The following ZNF365 variants were observed in gnomAD, a reference collection of about 807,000 sequenced individuals.
The protein encoded by ZNF365 is zinc finger protein 365.
Under a neutral mutation model 35.0 loss-of-function variants are expected in ZNF365, and 22 were observed. That is an observed-to-expected ratio of 0.63 (90% confidence interval 0.45 to 0.90). The LOEUF (loss-of-function observed/expected upper bound fraction) is 0.90, where lower values mean the gene tolerates loss of function less well. ZNF365 is among the 40% of genes least tolerant of loss of function. The pLI is 0.00. For missense variants in ZNF365, 448 were observed against 500.3 expected (o/e 0.90, Z 1.00); for synonymous variants, 188 against 196.2 (o/e 0.96, Z 0.35).
rs1202569197 is a variant in ZNF365, at chr10:62,400,139, G to A, written c.*350G>A. ...TTTCAGGACCAAGGCCACACAAAAT[G>A]TCAGGCCTAGGGAGAAAATTCATCT... On this transcript the variant is annotated 3_prime_UTR_variant, in exon 5 of 5. Coordinates refer to ENST00000395254, the MANE Select transcript of ZNF365 (RefSeq NM_014951.3). The A allele has an allele frequency of 1.6e-5, 17 of 1,037,618 alleles. No individual in the cohort carries two copies. Among genetic ancestry groups the A allele is most frequent in the Non-Finnish European group, 2.0e-5 (17 of 861,398 alleles). The allele number at this position is 1,037,618 out of a possible 1,614,324, so 64.3% of individuals were successfully genotyped here. A position where few individuals can be genotyped will look rare whatever the true frequency, so the allele number is the denominator to read the frequency against.
intron 4 of ZNF365, among the ~76,000 whole-genome samples, chr10:62,474,465 G>T (rs1371541932): frequency 6.6e-6 from 1 of 152,128 alleles, no homozygotes; most frequent in Admixed American, 6.5e-5. Context: ...AATACTCTTT[G>T]CCATTTCGTG....
chr10:62,449,270 T>C (rs934796887), intron 3 of ZNF365, among the ~76,000 whole-genome samples: 3 of 152,180 alleles, frequency 2.0e-5, no homozygotes, highest in African/African-American at 7.2e-5. Context: ...AAGTCTCTCT[T>C]TGGTGATTTC....
At chr10:62,428,453 G>C (rs1443122640) in intron 3 of ZNF365, among the ~76,000 whole-genome samples, 2 of 152,184 alleles carry the variant, frequency 1.3e-5, no homozygotes, top group East Asian at 1.9e-4. Flanking sequence ...TCCCCCTTCA[G>C]TTGGCTCTCA....
chr10:62,424,471 A>G (rs903408569), intron 3 of ZNF365, among the ~76,000 whole-genome samples: 27 of 152,334 alleles, frequency 1.8e-4, no homozygotes, highest in African/African-American at 5.3e-4. Context: ...TAATTGAGAA[A>G]ATAGTCATTT....
At chr10:62,470,317 AG>A (rs1209355289) in intron 4 of ZNF365, among the ~76,000 whole-genome samples, 6 of 152,180 alleles carry the variant, frequency 3.9e-5, no homozygotes, top group Non-Finnish European at 4.4e-5. Flanking sequence ...GTCCCCATTG[AG>A]GGCGAGGAAT....
intron 4 of ZNF365, among the ~76,000 whole-genome samples, chr10:62,463,236 T>C (rs1386776512): frequency 6.6e-6 from 1 of 152,196 alleles, no homozygotes; most frequent in Non-Finnish European, 1.5e-5. Context: ...CCCATCCAAG[T>C]CATGGTGCTT....
chr10:62,449,403 A>C (rs1589459840), intron 3 of ZNF365, among the ~76,000 whole-genome samples: 1 of 152,182 alleles, frequency 6.6e-6, no homozygotes, highest in East Asian at 1.9e-4. Context: ...GGTGATTACA[A>C]GAGTGTTCAC....
chr10:62,466,697 G>T (rs1840949172), intron 4 of ZNF365, among the ~76,000 whole-genome samples: 2 of 148,108 alleles, frequency 1.4e-5, no homozygotes, highest in Admixed American at 6.7e-5. Context: ...ATATACTATA[G>T]TTTTTTTTTT....
intron 3 of ZNF365, among the ~76,000 whole-genome samples, chr10:62,455,426 T>C (rs999994880): frequency 6.6e-6 from 1 of 152,178 alleles, no homozygotes; most frequent in Non-Finnish European, 1.5e-5. Flanking sequence ...AACTTTTTTT[T>C]CTGGTGATAA....
At chr10:62,420,625 G>A (rs1215472901) in intron 3 of ZNF365, among the ~76,000 whole-genome samples, 1 of 152,144 alleles carries the variant, frequency 6.6e-6, no homozygotes, top group Non-Finnish European at 1.5e-5. Flanking sequence ...TAAGTTCTTG[G>A]CCTGGACTAC....
intron 3 of ZNF365, among the ~76,000 whole-genome samples, chr10:62,427,446 G>A (rs759587331): frequency 6.6e-6 from 1 of 152,192 alleles, no homozygotes; most frequent in Non-Finnish European, 1.5e-5. Context: ...CTAGGTGTGT[G>A]TGAGTACACT....
rs767595424 is a variant in ZNF365, at chr10:62,388,587, C to G, written c.924+11C>G. The G allele has an allele frequency of 3.1e-6, 5 of 1,612,590 alleles. No individual in the cohort carries two copies. The highest frequency in any genetic ancestry group is 4.2e-6 in the Non-Finnish European group (5 of 1,179,848). ...CTCAGCGGGCACGTGGTGAGTCACCCCGGGCCAGCCACCGAGTGTAAGATC... is the reference window on the plus strand; with the variant it reads ...CTCAGCGGGCACGTGGTGAGTCACCGCGGGCCAGCCACCGAGTGTAAGATC... On this transcript the variant is annotated intron_variant, in intron 3 of 4. Transcript: ENST00000395254.
intron 3 of ZNF365, among the ~76,000 whole-genome samples, chr10:62,415,218 G>A (rs1840055132): frequency 6.6e-6 from 1 of 151,922 alleles, no homozygotes; most frequent in Non-Finnish European, 1.5e-5. Context: ...CTCAGCATGT[G>A]GAAAATTTTT....
chr10:62,399,695 C>T lies in ZNF365; in HGVS notation c.1130C>T (p.Pro377Leu). The part of the protein sequence containing the change: ...AESSRDLCRP[P>L]KKGELLGFGR... ...TCCTCAAGAGACCTCTGCAGACCTC[C>T]AAAGAAAGGGGAGCTCCTGGGGTTT... The change falls in exon 5 of 5, where the codon CCA (proline) becomes CTA (leucine). Residue 377 changes from proline to leucine, a missense_variant. This residue lies in a region of ZNF365 where 362 missense variants were observed against 375.7 expected (regional missense o/e 0.96). Transcript: ENST00000395254. 1.2e-6 allele frequency: 2 copies of T among 1,614,100 alleles called. No individual in the cohort carries two copies. Among genetic ancestry groups the T allele is most frequent in the South Asian group, 2.2e-5 (2 of 91,066 alleles).
In ZNF365 at chr10:62,402,031, A is replaced by G. The variant is rs1839838529; in HGVS notation, c.*2242A>G. ...TCAAAACATGGGAGATGGCTTACTC[A>G]GAAGCATACTCCACTTAACATACCA... On this transcript the variant is annotated 3_prime_UTR_variant, in exon 5 of 5. Transcript: ENST00000395254. 1 of 985,674 alleles carries G rather than the reference A, an allele frequency of 1.0e-6. No homozygotes were observed. Among genetic ancestry groups the G allele is most frequent in the Admixed American group, 6.1e-5 (1 of 16,292 alleles). 61.1% of individuals were successfully genotyped at this position (985,674 alleles called of 1,614,324 possible).
intron 4 of ZNF365, among the ~76,000 whole-genome samples, chr10:62,460,330 A>G (rs1301664056): frequency 1.3e-5 from 2 of 152,228 alleles, no homozygotes; most frequent in African/African-American, 4.8e-5. Flanking sequence ...CCCGCAGTGG[A>G]TGCCTGAAGC....
chr10:62,466,370 T>C (rs1191105557), intron 4 of ZNF365, among the ~76,000 whole-genome samples: 1 of 152,170 alleles, frequency 6.6e-6, no homozygotes, highest in Non-Finnish European at 1.5e-5. Flanking sequence ...CAGCAGCTGG[T>C]GTGCCTGGCT....
At chr10:62,479,383 A>G (rs1841184558) in intron 4 of ZNF365, among the ~76,000 whole-genome samples, 1 of 152,230 alleles carries the variant, frequency 6.6e-6, no homozygotes. Context: ...AGCACTAAAA[A>G]CACTAACCAT....
At chr10:62,412,747 A>C (rs1293060427) in intron 3 of ZNF365, among the ~76,000 whole-genome samples, 2 of 152,196 alleles carry the variant, frequency 1.3e-5, no homozygotes, top group Non-Finnish European at 2.9e-5. Flanking sequence ...AGAACTACAA[A>C]CCACTGCTAA....
Sources: gnomAD v4.1 joint callset for allele counts (sites outside exome capture counted in the v4.1 genomes callset) on GRCh38, gnomAD v4.1.1 for gene constraint, gnomAD v4.1.1 regional missense constraint, MANE v1.5 for transcripts, NCBI Gene and HGNC (gene_info 2026-07-23, HGNC 2026-07-21) for gene names.